EXOC4: variants seen among roughly 807,000 people sequenced by gnomAD.
EXOC4 encodes exocyst complex component 4, also known as SEC8-like 1.
EXOC4 carries 71 observed loss-of-function variants against 107.2 expected under a neutral mutation model. The ratio of observed to expected loss-of-function variants is 0.66; its 90% CI spans 0.55 to 0.81. EXOC4 has a LOEUF of 0.81. Among genes scored for constraint, EXOC4 ranks in the 30% least tolerant of loss-of-function variants. The probability of loss-of-function intolerance (pLI) is 0.00; values close to 1 mark genes in which losing one functional copy is unlikely to be tolerated. For missense variants in EXOC4, 1,108 were observed against 1,189.6 expected (o/e 0.93, Z 1.01); for synonymous variants, 456 against 441.2 (o/e 1.03, Z -0.42).
intron 9 of EXOC4, among the ~76,000 whole-genome samples, chr7:133,534,516 T>C (rs140495237): frequency 2.6e-5 from 4 of 152,288 alleles, no homozygotes; most frequent in Non-Finnish European, 4.4e-5. Context: ...TGTGTCCAAA[T>C]AGCTACTCAT....
intron 9 of EXOC4, chr7:133,480,533 G>A (rs1799129820): frequency 7.7e-6 from 6 of 775,748 alleles, no homozygotes; most frequent in Non-Finnish European, 9.8e-6. Flanking sequence ...AAGGGAAAAT[G>A]CAACCACTGT....
intron 12 of EXOC4, among the ~76,000 whole-genome samples, chr7:133,906,524 G>A (rs1387748805): frequency 1.3e-5 from 2 of 152,204 alleles, no homozygotes; most frequent in Non-Finnish European, 2.9e-5. Context: ...ACAGCAGGAG[G>A]GACAATGATC....
In EXOC4 at chr7:133,305,983, T is replaced by C. The variant is rs1302640619; in HGVS notation, c.578T>C (p.Ile193Thr). 4.3e-6 allele frequency: 7 copies of C among 1,613,968 alleles called. No individual in the cohort carries two copies. In the Admixed American group the frequency reaches 5.0e-5, roughly 12 times the overall value. ...AAGATGAACCTTCACTTGGTTCTCATAGATGAACTACACCGGCACCTGTAC... is the reference window on the plus strand; with the variant it reads ...AAGATGAACCTTCACTTGGTTCTCACAGATGAACTACACCGGCACCTGTAC... The part of the protein sequence containing the change: ...SKKMNLHLVL[I>T]DELHRHLYIK... Residue 193 changes from isoleucine (I) to threonine (T), a missense_variant, in exon 4 of 18, where the codon ATA becomes ACA. Transcript: ENST00000253861.
chr7:133,717,936 A>G (rs532463438), intron 10 of EXOC4, among the ~76,000 whole-genome samples: 2 of 152,258 alleles, frequency 1.3e-5, no homozygotes, highest in African/African-American at 4.8e-5. Flanking sequence ...TAATAAGGAG[A>G]ATCAGGGACT....
At chr7:133,863,921 G>A (rs1048177802) in intron 11 of EXOC4, among the ~76,000 whole-genome samples, 3 of 152,030 alleles carry the variant, frequency 2.0e-5, no homozygotes, top group Non-Finnish European at 4.4e-5. Context: ...TGAGTTGTTT[G>A]TTTTCTGCTT....
chr7:133,695,349 G>A (rs545654255), intron 10 of EXOC4, among the ~76,000 whole-genome samples: 206 of 152,158 alleles, frequency 1.4e-3, no homozygotes, highest in African/African-American at 4.6e-3. Flanking sequence ...TGCATGTATT[G>A]TAGTTTCTTT....
intron 7 of EXOC4, among the ~76,000 whole-genome samples, chr7:133,448,264 C>A (rs1231589232): frequency 6.6e-6 from 1 of 152,018 alleles, no homozygotes; most frequent in African/African-American, 2.4e-5. Context: ...TTGTGACTTC[C>A]TTATGCTTTG....
At chr7:133,560,377 T>G (rs1255733484) in intron 9 of EXOC4, among the ~76,000 whole-genome samples, 1 of 152,160 alleles carries the variant, frequency 6.6e-6, no homozygotes, top group Non-Finnish European at 1.5e-5. Flanking sequence ...CTCCACCTCC[T>G]GGATTCAATT....
chr7:133,432,428 T>C (rs1411916421), intron 7 of EXOC4, among the ~76,000 whole-genome samples: 1 of 152,186 alleles, frequency 6.6e-6, no homozygotes, highest in Non-Finnish European at 1.5e-5. Flanking sequence ...TAATAGCTGA[T>C]AGTGAAATCT....
intron 7 of EXOC4, among the ~76,000 whole-genome samples, chr7:133,408,248 T>G (rs1199994781): frequency 1.0e-5 from 1 of 97,480 alleles, no homozygotes; most frequent in Admixed American, 1.2e-4. Flanking sequence ...ATGATGTTGG[T>G]GGGGTGGGAC....
At position 134,007,695 on chromosome 7, in the gene EXOC4, C is replaced by T; in HGVS notation, c.2547C>T (p.Ser849=). 6.2e-7 allele frequency: 1 copy of T among 1,613,474 alleles called. No homozygotes were observed. Among genetic ancestry groups the T allele is most frequent in the South Asian group, 1.1e-5 (1 of 91,056 alleles). Residue 849 remains serine, a synonymous_variant, in exon 17 of 18, where the codon TCC becomes TCT. Transcript: ENST00000253861. ...YIFEGLGHLI[S]CILINGAQYF... is the part of the protein sequence containing the mutation. ...CCTCAGGCCTGGGCCACCTGATCTC[C>T]TGCATCCTCATTAATGGTGCCCAGT...
intron 11 of EXOC4, among the ~76,000 whole-genome samples, chr7:133,834,102 A>G (rs1797868225): frequency 6.6e-6 from 1 of 152,186 alleles, no homozygotes; most frequent in Admixed American, 6.5e-5. Flanking sequence ...AGCTGTCCTT[A>G]TTTGAAGCAG....
chr7:133,841,678 T>TAAAA (rs1798026971), intron 11 of EXOC4, among the ~76,000 whole-genome samples: 2 of 152,218 alleles, frequency 1.3e-5, no homozygotes, highest in East Asian at 3.8e-4. Context: ...ACTGTTATTT[T>TAAAA]AGGTTCAGGG....
intron 9 of EXOC4, among the ~76,000 whole-genome samples, chr7:133,588,974 G>A (rs1033008066): frequency 8.5e-5 from 13 of 152,186 alleles, no homozygotes; most frequent in African/African-American, 2.7e-4. Context: ...GTGTGTGTGT[G>A]TGTATGTGTA....
intron 7 of EXOC4, among the ~76,000 whole-genome samples, chr7:133,383,314 G>A (rs1171491889): frequency 6.6e-6 from 1 of 152,088 alleles, no homozygotes; most frequent in African/African-American, 2.4e-5. Flanking sequence ...TGTCGATTTA[G>A]CCATTGTTGA....
At chr7:133,564,925 A>G (rs1359124762) in intron 9 of EXOC4, among the ~76,000 whole-genome samples, 1 of 152,190 alleles carries the variant, frequency 6.6e-6, no homozygotes, top group Non-Finnish European at 1.5e-5. Flanking sequence ...ACAGTGTTCC[A>G]GGGGTTCCAG....
chr7:133,625,543 T>G (rs1802433225), intron 9 of EXOC4, among the ~76,000 whole-genome samples: 1 of 152,218 alleles, frequency 6.6e-6, no homozygotes, highest in Non-Finnish European at 1.5e-5. Context: ...ATGACAATAT[T>G]TATTACAAAC....
At chr7:133,432,869 T>G (rs145422641) in intron 7 of EXOC4, among the ~76,000 whole-genome samples, 1 of 152,198 alleles carries the variant, frequency 6.6e-6, no homozygotes, top group Admixed American at 6.5e-5. Context: ...TCAATGCCAA[T>G]GTAAGGTAGA....
chr7:133,262,436 A>G (rs1253313428), intron 1 of EXOC4, among the ~76,000 whole-genome samples: 1 of 152,094 alleles, frequency 6.6e-6, no homozygotes, highest in Non-Finnish European at 1.5e-5. Context: ...AGGAAGTAAT[A>G]AGGGAAAATT....
Sources: gnomAD v4.1 joint callset for allele counts (sites outside exome capture counted in the v4.1 genomes callset) on GRCh38, gnomAD v4.1.1 for gene constraint, MANE v1.5 for transcripts, NCBI Gene and HGNC (gene_info 2026-07-23, HGNC 2026-07-21) for gene names.